GSR: variants seen among roughly 807,000 people sequenced by gnomAD.
GSR encodes glutathione-disulfide reductase, also known as glutathione reductase, mitochondrial.
GSR carries 48 observed loss-of-function variants against 56.5 expected under a neutral mutation model. The observed-to-expected ratio is 0.85, with a 90% CI of 0.67 to 1.08. GSR has a LOEUF of 1.08. GSR is among the 50% of genes least tolerant of loss of function. GSR has a pLI of 0.00. For synonymous variants in GSR, 264 were observed against 270.8 expected, an observed-to-expected ratio of 0.97 and a Z score of 0.25; for missense variants, 694 against 703.3, an observed-to-expected ratio of 0.99 and a Z score of 0.15.
intron 3 of GSR, among the ~76,000 whole-genome samples, chr8:30,709,403 T>A (rs1804029284): frequency 6.6e-6 from 1 of 152,104 alleles, no homozygotes; most frequent in Non-Finnish European, 1.5e-5. Context: ...TGATACATAC[T>A]ACAACATGGA....
intron 9 of GSR, 51 bp downstream of exon 9, chr8:30,689,110 T>G: frequency 1.3e-6 from 2 of 1,563,028 alleles, no homozygotes; most frequent in Non-Finnish European, 8.8e-7. Flanking sequence ...AATAAAACCA[T>G]AAGACTCCTA....
chr8:30,714,554 C>T (rs1804263715), intron 1 of GSR, among the ~76,000 whole-genome samples: 1 of 152,044 alleles, frequency 6.6e-6, no homozygotes, highest in Non-Finnish European at 1.5e-5. Context: ...GAGACAGGGT[C>T]TCACTATGTT....
In GSR at chr8:30,693,002, C is replaced by T; in HGVS notation, c.849G>A (p.Glu283=). Residue 283 remains glutamate (E), a synonymous_variant, in exon 8 of 13, where the codon GAG becomes GAA. Transcript: ENST00000221130. ...ACTTCAGCACCTCCACGCCAGCGTT[C>T]TCCAGCTCCTCCGTGCAGTTGGTGC... ...MISTNCTEEL[E]NAGVEVLKFS... The T allele has an allele frequency of 6.2e-7, 1 of 1,613,058 alleles. No homozygotes were observed. The highest frequency in any genetic ancestry group is 8.5e-7 in the Non-Finnish European group (1 of 1,179,360).
intron 1 of GSR, among the ~76,000 whole-genome samples, chr8:30,717,633 C>A (rs191599489): frequency 6.6e-6 from 1 of 152,102 alleles, no homozygotes; most frequent in Non-Finnish European, 1.5e-5. Context: ...TTGCACACTC[C>A]TTATGAGAAT....
intron 6 of GSR, among the ~76,000 whole-genome samples, chr8:30,698,157 T>G (rs1803613514): frequency 6.6e-6 from 1 of 152,216 alleles, no homozygotes; most frequent in African/African-American, 2.4e-5. Context: ...ACATTATTTA[T>G]GTACTTGCCC....
chr8:30,684,392 C>T (rs1196860995), intron 9 of GSR, among the ~76,000 whole-genome samples, 193 bp from the exon 10 acceptor site: 1 of 152,100 alleles, frequency 6.6e-6, no homozygotes, highest in East Asian at 1.9e-4. Context: ...GGGCCCACAC[C>T]TGTAACCCCA....
At position 30,709,887 on chromosome 8, in the gene GSR, C is replaced by T. The variant is rs551309784; in HGVS notation, c.349G>A (p.Ala117Thr). The change falls in exon 3 of 13, where the codon GCT becomes ACT. Residue 117 changes from alanine (A) to threonine (T), a missense_variant. Physicochemically the swap from Ala to Thr is moderately conservative, Grantham distance 58 (BLOSUM62 0). Coordinates refer to ENST00000221130, the MANE Select transcript of GSR (RefSeq NM_000637.5). ...TCATGCATGAATTCAGAGTGGACAG[C>T]TGTGTTCCACATTACCTGTAAAAAA... ...CVPKKVMWNT[A>T]VHSEFMHDHA... 4.1e-6 allele frequency: 6 copies of T among 1,470,960 alleles called. No individual in the cohort carries two copies. In the African/African-American group the frequency reaches 8.6e-5, roughly 21 times the overall value. 91.1% of individuals were successfully genotyped at this position (1,470,960 alleles called of 1,614,324 possible). A position where few individuals can be genotyped will look rare whatever the true frequency, so the allele number is the denominator to read the frequency against.
rs1421484082 is a variant in GSR, at chr8:30,678,626, T to G, written c.*894A>C. The G allele has an allele frequency of 6.6e-6, 1 of 151,876 alleles. No homozygotes were observed. The highest frequency in any genetic ancestry group is 1.5e-5 in the Non-Finnish European group (1 of 68,028). The allele number at this position is 151,876 out of a possible 1,614,324, so 9.4% of individuals were successfully genotyped here. A position where few individuals can be genotyped will look rare whatever the true frequency, so the allele number is the denominator to read the frequency against. On this transcript the variant is annotated 3_prime_UTR_variant, in exon 13 of 13. Transcript: ENST00000221130. ...ATCCTCCTGCCTCGGCCTCCCAAAG[T>G]GCTAGAATTACAGGCCTGAGCCACC...
In GSR at chr8:30,684,227, C is replaced by A. The variant is rs749997505; in HGVS notation, c.1042-28G>T. The A allele has an allele frequency of 1.1e-5, 14 of 1,234,454 alleles. No homozygotes were observed. In the African/African-American group the frequency reaches 1.5e-4, roughly 13 times the overall value. The allele number at this position is 1,234,454 out of a possible 1,614,324, so 76.5% of individuals were successfully genotyped here. A position where few individuals can be genotyped will look rare whatever the true frequency, so the allele number is the denominator to read the frequency against. On this transcript the variant is annotated intron_variant, in intron 9 of 12. Coordinates refer to ENST00000221130, the MANE Select transcript of GSR (RefSeq NM_000637.5). ...AAAATTACAAAGAGATATCATGTAACCACTTGGCCCACCTACTAAAAAAGG... is the reference window on the plus strand; with the variant it reads ...AAAATTACAAAGAGATATCATGTAAACACTTGGCCCACCTACTAAAAAAGG...
intron 1 of GSR, among the ~76,000 whole-genome samples, chr8:30,713,245 C>A (rs1313356410): frequency 6.6e-6 from 1 of 152,152 alleles, no homozygotes; most frequent in South Asian, 2.1e-4. Context: ...CCATGTTGGC[C>A]ATGCTGGTCT....
intron 1 of GSR, among the ~76,000 whole-genome samples, chr8:30,723,886 T>C (rs1248143230): frequency 6.6e-6 from 1 of 151,736 alleles, no homozygotes; most frequent in African/African-American, 2.4e-5. Context: ...ACTTTAACGG[T>C]TGAACAATTA....
intron 4 of GSR, among the ~76,000 whole-genome samples, chr8:30,706,320 T>G (rs935067543): frequency 6.6e-6 from 1 of 151,370 alleles, no homozygotes; most frequent in African/African-American, 2.4e-5. Flanking sequence ...GCCAACATGG[T>G]GAAACCCTAT....
intron 1 of GSR, among the ~76,000 whole-genome samples, chr8:30,725,774 C>G (rs1804702102): frequency 6.9e-6 from 1 of 145,932 alleles, no homozygotes; most frequent in South Asian, 2.2e-4. Flanking sequence ...CCCAGCTACT[C>G]GAGAGGCTGA....
intron 6 of GSR, among the ~76,000 whole-genome samples, chr8:30,698,577 G>A (rs1381658394): frequency 6.6e-6 from 1 of 152,144 alleles, no homozygotes; most frequent in African/African-American, 2.4e-5. Flanking sequence ...GTATCTTCAA[G>A]GGACATTTTC....
At chr8:30,697,156 C>T (rs545062914) in intron 6 of GSR, among the ~76,000 whole-genome samples, 2 of 152,102 alleles carry the variant, frequency 1.3e-5, no homozygotes, top group African/African-American at 4.8e-5. Flanking sequence ...TGGCTCATGC[C>T]CATAATCCTA....
Position 30,684,112 on chromosome 8 carries a change from A to G in GSR, c.1129T>C (p.Cys377Arg). 1 of 1,593,432 alleles carries G rather than the reference A, an allele frequency of 6.3e-7. No homozygotes were observed. The highest frequency in any genetic ancestry group is 8.6e-7 in the Non-Finnish European group (1 of 1,161,096). Residue 377 changes from cysteine (C) to arginine (R), a missense_variant, in exon 10 of 13, where the codon TGT becomes CGT. Cys to Arg is a radical substitution (Grantham distance 180, BLOSUM62 -3). Transcript: ENST00000221130. ...VKGIYAVGDVCGKALLTPVAI... is the reference protein window; with the variant it reads ...VKGIYAVGDVRGKALLTPVAI... ...CCTGGAGTAAGAAGAGCTTTTCCAC[A>G]TACATCCCCAACTGCATAGATGCCT...
In GSR at chr8:30,689,286, C is replaced by G; in HGVS notation, c.916G>C (p.Glu306Gln). The G allele has an allele frequency of 6.2e-7, 1 of 1,614,090 alleles. No homozygotes were observed. The highest frequency in any genetic ancestry group is 8.5e-7 in the Non-Finnish European group (1 of 1,179,960). The change falls in exon 9 of 13, where the codon GAA (glutamate) becomes CAA (glutamine). Residue 306 changes from glutamate (E) to glutamine (Q), a missense_variant. Physicochemically the swap from Glu to Gln is conservative, Grantham distance 29. Coordinates refer to ENST00000221130, the MANE Select transcript of GSR (RefSeq NM_000637.5). Reference sequence around the variant, plus strand: ...GGAACTGCAGTAACCATGCTGACTTCCAAGCCCGACAAAGTCTTTTTAACC... The same window carrying G: ...GGAACTGCAGTAACCATGCTGACTTGCAAGCCCGACAAAGTCTTTTTAACC... ...KEVKKTLSGL[E>Q]VSMVTAVPGR...
intron 4 of GSR, 105 bp from the exon 5 acceptor site, chr8:30,703,345 G>T: frequency 9.4e-7 from 1 of 1,060,674 alleles, no homozygotes; most frequent in Non-Finnish European, 1.5e-6. Context: ...TTGATTCTTG[G>T]TTTGCTGATG....
chr8:30,701,149 CT>C (rs1803726073), intron 5 of GSR, among the ~76,000 whole-genome samples: 1 of 152,168 alleles, frequency 6.6e-6, no homozygotes, highest in Non-Finnish European at 1.5e-5. Flanking sequence ...TGTAGCCCCC[CT>C]ACCCTCATTT....
Sources: allele counts gnomAD v4.1 joint callset (sites outside exome capture counted in the v4.1 genomes callset), GRCh38; gene constraint gnomAD v4.1.1; transcripts MANE v1.5; gene names NCBI Gene and HGNC (gene_info 2026-07-23, HGNC 2026-07-21).